The following FGF14 variants were observed in gnomAD, a reference collection of about 807,000 sequenced individuals.
The protein encoded by FGF14 is fibroblast growth factor homologous factor 4.
A neutral mutation model predicts 25.5 loss-of-function variants in FGF14; 5 were observed. The observed-to-expected ratio is 0.20, with a 90% CI of 0.10 to 0.41. The LOEUF is 0.41. FGF14 is among the 10% of genes least tolerant of loss of function. The probability of loss-of-function intolerance (pLI) is 1.00; values close to 1 mark genes in which losing one functional copy is unlikely to be tolerated. For missense variants in FGF14, 222 were observed against 320.1 expected (o/e 0.69, Z 2.34); for synonymous variants, 138 against 118.3 (o/e 1.17, Z -1.08).
intron 1 of FGF14, among the ~76,000 whole-genome samples, chr13:102,338,184 T>A (rs2056843576): frequency 6.6e-6 from 1 of 152,192 alleles, no homozygotes; most frequent in Non-Finnish European, 1.5e-5. Context: ...CTTGCATCCC[T>A]ACTTCCAACA....
chr13:102,220,035 A>G (rs1296167829), intron 1 of FGF14, among the ~76,000 whole-genome samples: 1 of 152,142 alleles, frequency 6.6e-6, no homozygotes, highest in Non-Finnish European at 1.5e-5. Flanking sequence ...ATTAATATGA[A>G]TAATAATATT....
intron 1 of FGF14, among the ~76,000 whole-genome samples, chr13:102,246,903 T>A (rs1026906718): frequency 6.6e-6 from 1 of 151,748 alleles, no homozygotes; most frequent in Non-Finnish European, 1.5e-5. Context: ...CATAGACCAA[T>A]GGAATGGAAT....
exon 1 of FGF14, chr13:102,401,726 C>A: frequency 1.3e-6 from 2 of 1,503,338 alleles, no homozygotes; most frequent in Non-Finnish European, 1.8e-6. Context: ...TTTCCCCTCA[C>A]GTGGTATATT....
intron 1 of FGF14, among the ~76,000 whole-genome samples, chr13:102,146,653 A>T (rs896882789): frequency 6.6e-6 from 1 of 152,192 alleles, no homozygotes; most frequent in African/African-American, 2.4e-5. Flanking sequence ...CTCAATTCTG[A>T]ATCTCTTAAC....
intron 1 of FGF14, among the ~76,000 whole-genome samples, chr13:102,151,419 C>A (rs1007369164): frequency 6.6e-6 from 1 of 152,124 alleles, no homozygotes; most frequent in African/African-American, 2.4e-5. Flanking sequence ...TTTAAAAGCC[C>A]CCTACTCCCA....
At chr13:102,006,194 T>C (rs1440652550) in intron 1 of FGF14, among the ~76,000 whole-genome samples, 2 of 152,214 alleles carry the variant, frequency 1.3e-5, no homozygotes, top group Non-Finnish European at 2.9e-5. Flanking sequence ...GGGAAATGTA[T>C]ACAGAACTCA....
At chr13:102,365,405 A>G (rs1318727350) in intron 1 of FGF14, among the ~76,000 whole-genome samples, 2 of 152,310 alleles carry the variant, frequency 1.3e-5, no homozygotes, top group East Asian at 3.9e-4. Context: ...AAAAAAATCA[A>G]TTAGAATTCT....
intron 1 of FGF14, among the ~76,000 whole-genome samples, chr13:102,094,929 G>T (rs192969984): frequency 1.7e-4 from 26 of 152,188 alleles, no homozygotes; most frequent in African/African-American, 6.0e-4. Flanking sequence ...CAGCCTTTAA[G>T]TCAGGGGGTC....
At chr13:101,779,284 T>G (rs1478177442) in intron 3 of FGF14, among the ~76,000 whole-genome samples, 1 of 152,158 alleles carries the variant, frequency 6.6e-6, no homozygotes, top group Non-Finnish European at 1.5e-5. Context: ...GGCCAGAGGT[T>G]GTAGCTGGGA....
At position 102,379,318 on chromosome 13, in the gene FGF14, G is replaced by A. The variant is rs145196987; in HGVS notation, c.208+22153C>T. On this transcript the variant is annotated intron_variant, in intron 1 of 4. Transcript: ENST00000376131. The stretch of plus-strand genomic sequence containing the variant: ...AAACCCACAAGGCATCAAGCAGTAT[G>A]TCTTGACACTAAAAGTAAAGAAACA... 6.5e-3 allele frequency among the ~76,000 whole-genome samples: 982 copies of A among 151,958 alleles called. 4 individuals carry two copies. Among genetic ancestry groups the A allele is most frequent in the Admixed American group, 0.012 (188 of 15,214 alleles).
upstream of FGF14, among the ~76,000 whole-genome samples, chr13:101,917,710 T>C (rs1029033442): frequency 6.6e-6 from 1 of 151,938 alleles, no homozygotes; most frequent in South Asian, 2.1e-4. Context: ...CCCTCCCTTC[T>C]GCTGCAGGAA....
intron 1 of FGF14, among the ~76,000 whole-genome samples, chr13:102,235,861 A>G (rs965619530): frequency 2.0e-5 from 3 of 152,210 alleles, no homozygotes; most frequent in Non-Finnish European, 4.4e-5. Context: ...GATGTTTACA[A>G]TTCAGGGAAC....
chr13:102,069,423 C>G (rs867464497), intron 1 of FGF14, among the ~76,000 whole-genome samples: 1 of 152,316 alleles, frequency 6.6e-6, no homozygotes, highest in East Asian at 1.9e-4. Context: ...CCAGCATTGG[C>G]AACCCGCTCG....
intron 3 of FGF14, among the ~76,000 whole-genome samples, chr13:101,756,006 A>C (rs1418530739): frequency 6.6e-6 from 1 of 152,198 alleles, no homozygotes; most frequent in Non-Finnish European, 1.5e-5. Flanking sequence ...TTATTAGTGT[A>C]GCTCTTCCCA....
intron 1 of FGF14, among the ~76,000 whole-genome samples, chr13:102,073,196 G>A (rs2043219745): frequency 6.6e-6 from 1 of 152,162 alleles, no homozygotes; most frequent in South Asian, 2.1e-4. Context: ...GGGTTGCAAT[G>A]AGCTGAGATC....
At chr13:102,233,023 T>A (rs1310495417) in intron 1 of FGF14, among the ~76,000 whole-genome samples, 2 of 152,156 alleles carry the variant, frequency 1.3e-5, no homozygotes, top group Non-Finnish European at 2.9e-5. Flanking sequence ...CCCTGAGGTC[T>A]TGCCCCTCTC....
intron 1 of FGF14, among the ~76,000 whole-genome samples, chr13:102,294,608 G>GA (rs757516876): frequency 3.8e-4 from 58 of 152,164 alleles, no homozygotes; most frequent in Non-Finnish European, 7.3e-4. Context: ...ACTTGTGTTT[G>GA]AATATTTGAG....
At chr13:102,299,772 A>G (rs2054930932) in intron 1 of FGF14, 1 of 152,182 alleles carries the variant, frequency 6.6e-6, no homozygotes, top group African/African-American at 2.4e-5. Flanking sequence ...ATATGAGGAA[A>G]TAAGCAAACA....
At chr13:101,880,457 T>TC (rs2045640892) in intron 1 of FGF14, among the ~76,000 whole-genome samples, 3 of 152,050 alleles carry the variant, frequency 2.0e-5, no homozygotes, top group African/African-American at 7.2e-5. Flanking sequence ...ATCCCAGCTA[T>TC]TCTGGAGGCT....
Sources: gnomAD v4.1 joint callset for allele counts (sites outside exome capture counted in the v4.1 genomes callset) on GRCh38, gnomAD v4.1.1 for gene constraint, MANE v1.5 for transcripts, NCBI Gene and HGNC (gene_info 2026-07-23, HGNC 2026-07-21) for gene names.